HELLS: variants seen among roughly 807,000 people sequenced by gnomAD.
HELLS encodes lymphoid-specific helicase.
HELLS carries 32 observed loss-of-function variants against 120.0 expected under a neutral mutation model. The ratio of observed to expected loss-of-function variants is 0.27; its 90% CI spans 0.20 to 0.36. The LOEUF is 0.36. Ranked by LOEUF, HELLS falls within the 10% of genes least tolerant of loss-of-function variation. HELLS has a pLI of 1.00. For missense variants in HELLS, 650 were observed against 993.4 expected (o/e 0.65, Z 4.65); for synonymous variants, 341 against 323.4 (o/e 1.05, Z -0.58).
At position 94,590,490 on chromosome 10, in the gene HELLS, T is replaced by A. The variant is rs781744103; in HGVS notation, c.1566T>A (p.Asp522Glu). The A allele has an allele frequency of 3.1e-6, 5 of 1,612,690 alleles. No homozygotes were observed. The highest frequency in any genetic ancestry group is 2.5e-6 in the Non-Finnish European group (3 of 1,179,624). Residue 522 changes from aspartate (D) to glutamate (E), a missense_variant, in exon 14 of 22, where the codon GAT (aspartate) becomes GAA (glutamate). Asp to Glu is a conservative substitution (Grantham distance 45). Around this residue, in one of 9 missense-constraint regions of HELLS, gnomAD observed 191 missense variants for 259.7 expected, o/e 0.74. Coordinates refer to ENST00000348459, the MANE Select transcript of HELLS (RefSeq NM_018063.5). Reference sequence around the variant, plus strand: ...AATCAATAAATTACAGCAAAATAGATGATTTCCCTAATGAATTGGAAAAAC... The same window carrying A: ...AATCAATAAATTACAGCAAAATAGAAGATTTCCCTAATGAATTGGAAAAAC... ...TRKSINYSKI[D>E]DFPNELEKLI...
intron 3 of HELLS, among the ~76,000 whole-genome samples, chr10:94,554,474 G>A (rs1436416418): frequency 1.3e-5 from 2 of 152,092 alleles, no homozygotes; most frequent in African/African-American, 4.8e-5. Flanking sequence ...CCCATGGCTG[G>A]TGTCCAGCAA....
chr10:94,545,845 A>G lies in HELLS; in HGVS notation c.-77A>G, dbSNP rs1309374745. On this transcript the variant is annotated 5_prime_UTR_variant, in exon 1 of 22. Coordinates refer to ENST00000348459, the MANE Select transcript of HELLS (RefSeq NM_018063.5). ...GATTTGGCTAGAAGGCTGGGCCGGC[A>G]GCGGTTGTGAGGAGTTAGCTCGCGG... 5 of 1,477,076 alleles carry G rather than the reference A, an allele frequency of 3.4e-6. No individual in the cohort carries two copies. Among genetic ancestry groups the G allele is most frequent in the Non-Finnish European group, 3.7e-6 (4 of 1,079,050 alleles). The allele number at this position is 1,477,076 out of a possible 1,614,324, so 91.5% of individuals were successfully genotyped here.
intron 2 of HELLS, among the ~76,000 whole-genome samples, chr10:94,547,497 A>G (rs896249516): frequency 1.3e-5 from 2 of 152,184 alleles, no homozygotes; most frequent in African/African-American, 2.4e-5. Context: ...TGTTATGTCA[A>G]CAATAATTTT....
rs991619991 is a variant in HELLS at position 94,545,911 on chromosome 10, A to C, written c.-11A>C. The C allele has an allele frequency of 2.6e-6, 4 of 1,554,330 alleles. No individual in the cohort carries two copies. The highest frequency in any genetic ancestry group is 3.5e-6 in the Non-Finnish European group (4 of 1,148,266). On this transcript the variant is annotated 5_prime_UTR_variant, in exon 1 of 22. Coordinates refer to ENST00000348459, the MANE Select transcript of HELLS (RefSeq NM_018063.5). ...GAGGAGGGGACCCGGTTCCCGGGTGAGTGTCCAGGCATGCCAGCGGAACGG... is the reference window on the plus strand; with the variant it reads ...GAGGAGGGGACCCGGTTCCCGGGTGCGTGTCCAGGCATGCCAGCGGAACGG...
At chr10:94,551,986 G>A (rs1052650291) in intron 2 of HELLS, among the ~76,000 whole-genome samples, 2 of 152,060 alleles carry the variant, frequency 1.3e-5, no homozygotes, top group Admixed American at 6.5e-5. Context: ...GGATCCGCCC[G>A]CCTCAGCCTC....
At chr10:94,608,009 G>C in exon 9 of HELLS, 1 of 334,758 alleles carries the variant, frequency 3.0e-6, no homozygotes, top group East Asian at 1.2e-4. Flanking sequence ...ACAAGCGTGA[G>C]CCACTGCGTG....
intron 9 of HELLS, among the ~76,000 whole-genome samples, chr10:94,608,905 C>T (rs917960062): frequency 6.6e-6 from 1 of 151,964 alleles, no homozygotes; most frequent in African/African-American, 2.4e-5. Flanking sequence ...CTGTCTTGGC[C>T]TCCCAATAGC....
intron 11 of HELLS, among the ~76,000 whole-genome samples, chr10:94,582,384 G>T (rs117179967): frequency 0.01 from 1,559 of 152,110 alleles, 19 homozygotes; most frequent in Non-Finnish European, 0.018. Context: ...TCCAAGTTTG[G>T]GAACTTCTAG....
At chr10:94,585,793 A>G (rs1845113754) in intron 12 of HELLS, among the ~76,000 whole-genome samples, 2 of 151,512 alleles carry the variant, frequency 1.3e-5, no homozygotes, top group South Asian at 4.2e-4. Context: ...CCTCCAACTC[A>G]TACTCCTGGG....
At chr10:94,589,993 C>T (rs1014548616) in intron 13 of HELLS, among the ~76,000 whole-genome samples, 2 of 151,936 alleles carry the variant, frequency 1.3e-5, no homozygotes, top group South Asian at 4.2e-4. Context: ...GGCCTCTTCT[C>T]CCTTTTTAAT....
intron 9 of HELLS, among the ~76,000 whole-genome samples, chr10:94,575,779 G>C (rs1295852559): frequency 1.5e-5 from 1 of 65,218 alleles, no homozygotes; most frequent in Non-Finnish European, 3.7e-5. Flanking sequence ...GTTTGTGTGT[G>C]TGTGTGTGTG....
At chr10:94,558,741 A>AC (rs1426203290) in intron 4 of HELLS, among the ~76,000 whole-genome samples, 1 of 152,098 alleles carries the variant, frequency 6.6e-6, no homozygotes, top group African/African-American at 2.4e-5. Flanking sequence ...AGCTGGGACT[A>AC]CAGGCGCCCG....
exon 10 of HELLS, chr10:94,612,962 T>A (rs1846209109): frequency 6.6e-6 from 1 of 152,230 alleles, no homozygotes; most frequent in Non-Finnish European, 1.5e-5. Context: ...GACAACTTGG[T>A]ATGTAGGATG....
chr10:94,590,520 C>G lies in HELLS; in HGVS notation c.1596C>G (p.Ile532Met), dbSNP rs779723612. The G allele has an allele frequency of 6.2e-7, 1 of 1,610,042 alleles. No homozygotes were observed. The highest frequency in any genetic ancestry group is 1.7e-5 in the Admixed American group (1 of 58,732). The change falls in exon 14 of 22, where the codon ATC becomes ATG. Residue 532 changes from isoleucine (I) to methionine (M), a missense_variant. This residue lies in a region of HELLS where 191 missense variants were observed against 259.7 expected (regional missense o/e 0.74). Coordinates refer to ENST00000348459, the MANE Select transcript of HELLS (RefSeq NM_018063.5). ...DDFPNELEKL[I>M]SQIQPEVDRE... ...TCCCTAATGAATTGGAAAAACTGAT[C>G]AGTCAAATACAGCCAGAGGTGGACC...
intron 19 of HELLS, 46 bp from the exon 20 acceptor site, chr10:94,596,814 A>T (rs7906968): frequency 0.41 from 391,494 of 963,688 alleles, 83,527 homozygotes; most frequent in East Asian, 0.65. Flanking sequence ...GTTGTATTGT[A>T]GTTTTAAAAG....
chr10:94,557,930 A>C (rs1002569770), intron 3 of HELLS, among the ~76,000 whole-genome samples: 1 of 152,152 alleles, frequency 6.6e-6, no homozygotes, highest in Non-Finnish European at 1.5e-5. Flanking sequence ...TTGTTTAATA[A>C]ATTTTATCTG....
At position 94,601,555 on chromosome 10, in the gene HELLS, AAG is replaced by A; in HGVS notation, c.2454_2455del (p.Lys819AspfsTer11). 1.3e-6 allele frequency: 2 copies of A among 1,578,314 alleles called. No homozygotes were observed. Among genetic ancestry groups the A allele is most frequent in the Non-Finnish European group, 1.7e-6 (2 of 1,151,824 alleles). Reference sequence around the variant, plus strand: ...CAAATGAATGCTTCAGGACCAATTAAAGAGAAGATGGGGATATTCAAGATATT... The same window carrying A: ...CAAATGAATGCTTCAGGACCAATTAAAGAAGATGGGGATATTCAAGATATT... On this transcript the variant is annotated frameshift_variant, in exon 22 of 22. Coordinates refer to ENST00000348459, the MANE Select transcript of HELLS (RefSeq NM_018063.5). LOFTEE classifies it high-confidence loss of function.
At chr10:94,573,709 C>T (rs1844296228) in intron 7 of HELLS, among the ~76,000 whole-genome samples, 1 of 151,924 alleles carries the variant, frequency 6.6e-6, no homozygotes, top group Non-Finnish European at 1.5e-5. Flanking sequence ...GGTGATCCTC[C>T]TGCCTCAGCT....
chr10:94,553,032 A>G (rs1038651699), intron 2 of HELLS, among the ~76,000 whole-genome samples: 4 of 152,132 alleles, frequency 2.6e-5, no homozygotes, highest in Admixed American at 6.5e-5. Flanking sequence ...TTGTGTTGGT[A>G]GTATTTTTCT....
Sources: allele counts gnomAD v4.1 joint callset (sites outside exome capture counted in the v4.1 genomes callset), GRCh38; gene constraint gnomAD v4.1.1; regional missense constraint gnomAD v4.1.1; transcripts MANE v1.5; gene names NCBI Gene and HGNC (gene_info 2026-07-23, HGNC 2026-07-21).